Variants in MAML2 observed in about 807,000 individuals in gnomAD.
MAML2 encodes the protein mastermind like transcriptional coactivator 2.
A neutral mutation model predicts 96.1 loss-of-function variants in MAML2; 22 were observed. That is an observed-to-expected ratio of 0.23 (90% CI 0.16 to 0.33). MAML2 has a LOEUF of 0.33. Among genes scored for constraint, MAML2 ranks in the 10% least tolerant of loss-of-function variants. The pLI, the probability that MAML2 is intolerant of heterozygous loss-of-function variation, is 1.00. For synonymous variants in MAML2, 561 were observed against 521.3 expected (o/e 1.08, Z -1.04); for missense variants, 1,367 against 1,392.4 (o/e 0.98, Z 0.29).
chr11:96,249,838 GC>G (rs1212464131), intron 1 of MAML2, among the ~76,000 whole-genome samples: 1 of 152,080 alleles, frequency 6.6e-6, no homozygotes, highest in Non-Finnish European at 1.5e-5. Flanking sequence ...ATAAAAATGA[GC>G]TAGATCTTCT....
chr11:96,275,119 A>T (rs576897467), intron 1 of MAML2, among the ~76,000 whole-genome samples: 1 of 152,270 alleles, frequency 6.6e-6, no homozygotes, highest in South Asian at 2.1e-4. Flanking sequence ...CATTTAGGTT[A>T]CTTGCCCCTT....
At chr11:96,095,269 C>A (rs141019710) in intron 1 of MAML2, among the ~76,000 whole-genome samples, 3 of 152,042 alleles carry the variant, frequency 2.0e-5, no homozygotes, top group Admixed American at 2.0e-4. Context: ...TGGGAATGGC[C>A]AGGATGCAGT....
rs376166218 is a variant in MAML2 at position 95,979,819 on chromosome 11, A to C, written c.2600T>G (p.Met867Arg). The change falls in exon 5 of 5, where the codon ATG (methionine) becomes AGG (arginine). Residue 867 changes from methionine (M) to arginine (R), a missense_variant. By Grantham distance (91) the Met-to-Arg change is moderately conservative. Coordinates refer to ENST00000524717, the MANE Select transcript of MAML2 (RefSeq NM_032427.4). Reference protein sequence around the residue: ...MPSLSTAVQNMGMYGNLPCNQ... With the variant: ...MPSLSTAVQNRGMYGNLPCNQ... ...ACAAGGCAGATTTCCATACATCCCC[A>C]TATTCTGAACTGCTGTAGATAATGA... 5.6e-5 allele frequency: 91 copies of C among 1,613,808 alleles called. No homozygotes were observed. The highest frequency in any genetic ancestry group is 7.2e-5 in the Non-Finnish European group (85 of 1,179,866).
intron 1 of MAML2, among the ~76,000 whole-genome samples, chr11:96,298,136 T>A (rs1048706467): frequency 6.6e-6 from 1 of 152,244 alleles, no homozygotes; most frequent in Non-Finnish European, 1.5e-5. Context: ...TCTTCCCAAG[T>A]CTGCATGACC....
intron 1 of MAML2, among the ~76,000 whole-genome samples, chr11:96,253,145 A>G (rs1419150228): frequency 6.6e-6 from 1 of 152,180 alleles, no homozygotes; most frequent in Non-Finnish European, 1.5e-5. Context: ...ATTCACACAG[A>G]TTGATTTTGC....
chr11:96,042,435 C>A (rs1858830864), intron 2 of MAML2, among the ~76,000 whole-genome samples: 1 of 152,100 alleles, frequency 6.6e-6, no homozygotes, highest in South Asian at 2.1e-4. Context: ...TCTCTTTTTT[C>A]TCAGGGACTA....
chr11:96,339,512 A>G (rs1863962434), intron 1 of MAML2, among the ~76,000 whole-genome samples: 1 of 152,210 alleles, frequency 6.6e-6, no homozygotes, highest in Non-Finnish European at 1.5e-5. Context: ...GAAGGCCACA[A>G]GGGAAGCCCA....
At chr11:96,282,002 C>A (rs1327548254) in intron 1 of MAML2, among the ~76,000 whole-genome samples, 1 of 152,090 alleles carries the variant, frequency 6.6e-6, no homozygotes. Context: ...GTAATCCCAG[C>A]ACTTTGGGAG....
intron 1 of MAML2, among the ~76,000 whole-genome samples, chr11:96,322,364 A>ATG (rs1286630764): frequency 6.6e-6 from 1 of 152,188 alleles, no homozygotes; most frequent in African/African-American, 2.4e-5. Flanking sequence ...AGAGAATGAA[A>ATG]AGAGTTCAGC....
intron 1 of MAML2, among the ~76,000 whole-genome samples, chr11:96,274,119 G>A (rs532359262): frequency 3.5e-5 from 4 of 113,644 alleles, no homozygotes; most frequent in Admixed American, 1.3e-4. Flanking sequence ...GTCTCGCTCT[G>A]TAGCTCAGGC....
chr11:96,028,273 T>C (rs1858556494), intron 2 of MAML2, among the ~76,000 whole-genome samples: 2 of 152,232 alleles, frequency 1.3e-5, no homozygotes, highest in Non-Finnish European at 2.9e-5. Context: ...CCATTGCATG[T>C]GCTGTTCTCT....
At chr11:96,327,176 A>G (rs763840765) in intron 1 of MAML2, among the ~76,000 whole-genome samples, 6 of 152,290 alleles carry the variant, frequency 3.9e-5, no homozygotes, top group Non-Finnish European at 8.8e-5. Flanking sequence ...GACAAGAATA[A>G]TGCAGCCAAG....
chr11:96,020,159 C>G (rs946909385), intron 2 of MAML2, among the ~76,000 whole-genome samples: 5 of 152,070 alleles, frequency 3.3e-5, no homozygotes, highest in African/African-American at 1.2e-4. Context: ...TTTTCTGGAC[C>G]CTTACTTCAC....
intron 1 of MAML2, among the ~76,000 whole-genome samples, chr11:96,125,865 G>A (rs190595833): frequency 9.6e-4 from 146 of 152,310 alleles, no homozygotes; most frequent in African/African-American, 3.1e-3. Flanking sequence ...GGATCAAAGC[G>A]TTCTTTATGG....
chr11:95,993,395 C>G (rs1857944013), intron 2 of MAML2, among the ~76,000 whole-genome samples: 1 of 152,062 alleles, frequency 6.6e-6, no homozygotes, highest in Non-Finnish European at 1.5e-5. Context: ...TGGTTAAACC[C>G]CATCTCTACT....
intron 1 of MAML2, among the ~76,000 whole-genome samples, chr11:96,120,159 G>A (rs774969293): frequency 6.6e-6 from 1 of 151,996 alleles, no homozygotes; most frequent in Non-Finnish European, 1.5e-5. Flanking sequence ...GGGTTTTGCC[G>A]TGTTAGCCAG....
At chr11:96,041,249 G>C (rs899321998) in intron 2 of MAML2, among the ~76,000 whole-genome samples, 8 of 151,876 alleles carry the variant, frequency 5.3e-5, no homozygotes, top group Non-Finnish European at 1.0e-4. Flanking sequence ...CCAGCACTTT[G>C]GGAGGCTGAG....
chr11:96,260,018 G>A (rs1306693430), intron 1 of MAML2, among the ~76,000 whole-genome samples: 1 of 151,688 alleles, frequency 6.6e-6, no homozygotes, highest in Non-Finnish European at 1.5e-5. Flanking sequence ...TGGGAGGAAA[G>A]GTTCCTGGAC....
chr11:96,001,489 G>A (rs551941613), intron 2 of MAML2, among the ~76,000 whole-genome samples: 4 of 152,120 alleles, frequency 2.6e-5, no homozygotes, highest in Non-Finnish European at 5.9e-5. Flanking sequence ...AGTTCCTTTT[G>A]AGGATTTCAC....
Sources: allele counts gnomAD v4.1 joint callset (sites outside exome capture counted in the v4.1 genomes callset), GRCh38; gene constraint gnomAD v4.1.1; transcripts MANE v1.5; gene names NCBI Gene and HGNC (gene_info 2026-07-23, HGNC 2026-07-21).